KALRN: variants seen among roughly 807,000 people sequenced by gnomAD.
The protein encoded by KALRN is kalirin.
A neutral mutation model predicts 353.7 loss-of-function variants in KALRN; 70 were observed. The observed-to-expected ratio is 0.20, with a 90% CI of 0.16 to 0.24. The LOEUF (loss-of-function observed/expected upper bound fraction) is 0.24, where lower values mean the gene tolerates loss of function less well. Ranked by LOEUF, KALRN falls within the 10% of genes least tolerant of loss-of-function variation. The pLI, the probability that KALRN is intolerant of heterozygous loss-of-function variation, is 1.00. For synonymous variants in KALRN, 1,391 were observed against 1,434.8 expected (o/e 0.97, Z 0.69); for missense variants, 2,791 against 3,756.7 (o/e 0.74, Z 6.72).
chr3:124,543,059 T>C (rs1271960223), intron 33 of KALRN, among the ~76,000 whole-genome samples: 1 of 152,140 alleles, frequency 6.6e-6, no homozygotes, highest in East Asian at 1.9e-4. Context: ...CGGACCTCTC[T>C]CTAGGGCTGC....
intron 34 of KALRN, among the ~76,000 whole-genome samples, chr3:124,614,252 ATTTATTT>A (rs1351871664): frequency 2.7e-5 from 4 of 147,576 alleles, no homozygotes; most frequent in African/African-American, 1.0e-4. Context: ...TTATTTATTT[ATTTATTT>A]ATTTATTTAT....
At chr3:124,517,127 T>C (rs1561202907) in intron 33 of KALRN, among the ~76,000 whole-genome samples, 1 of 152,196 alleles carries the variant, frequency 6.6e-6, no homozygotes, top group Admixed American at 6.5e-5. Flanking sequence ...TGATTTAAAA[T>C]TCTTAAGCCA....
chr3:124,712,308 A>G (rs2062929095), intron 57 of KALRN, among the ~76,000 whole-genome samples: 1 of 152,228 alleles, frequency 6.6e-6, no homozygotes, highest in Admixed American at 6.5e-5. Context: ...AGGAAGTAGA[A>G]TTGGTATGTA....
chr3:124,572,362 G>A (rs1281463983), intron 34 of KALRN, among the ~76,000 whole-genome samples: 3 of 151,478 alleles, frequency 2.0e-5, no homozygotes, highest in Admixed American at 2.0e-4. Flanking sequence ...AAAAAAAACA[G>A]GTTGAATGTC....
chr3:124,347,530 G>A (rs1037560666), intron 10 of KALRN, among the ~76,000 whole-genome samples: 22 of 152,018 alleles, frequency 1.4e-4, no homozygotes, highest in African/African-American at 5.3e-4. Context: ...TGGATTCTAG[G>A]TGAGTGGTAA....
At chr3:124,463,399 G>A (rs2060034857) in intron 25 of KALRN, among the ~76,000 whole-genome samples, 1 of 152,248 alleles carries the variant, frequency 6.6e-6, no homozygotes, top group Non-Finnish European at 1.5e-5. Flanking sequence ...ACTGAGTTGT[G>A]TAGGTTTGCT....
At chr3:124,466,666 C>T (rs1347629938) in intron 25 of KALRN, among the ~76,000 whole-genome samples, 1 of 152,150 alleles carries the variant, frequency 6.6e-6, no homozygotes, top group Non-Finnish European at 1.5e-5. Flanking sequence ...GTCCTCTCAA[C>T]CATCAAGTAC....
At chr3:124,062,548 C>T (rs1033385454) in intron 1 of KALRN, among the ~76,000 whole-genome samples, 4 of 123,472 alleles carry the variant, frequency 3.2e-5, no homozygotes, top group African/African-American at 8.9e-5. Context: ...TCTCTGGGGA[C>T]AGGTCCTAGA....
At position 124,563,024 on chromosome 3, in the gene KALRN, G is replaced by A; in HGVS notation, c.5117G>A (p.Ser1706Asn). Residue 1706 changes from serine to asparagine, a missense_variant, in exon 34 of 60, where the codon AGC (serine) becomes AAC (asparagine). This residue lies in a region of KALRN where 239 missense variants were observed against 351.3 expected (regional missense o/e 0.68). Transcript: ENST00000682506. ...CCCTTGGAGGGTCTGGTCCCCAGCA[G>A]CGCCCTGTGCATCTCACACTCCCGA... ...SPPLEGLVPS[S>N]ALCISHSRSS... is the part of the protein sequence containing the mutation. The A allele has an allele frequency of 7.3e-7, 1 of 1,367,898 alleles. No individual in the cohort carries two copies. The allele number at this position is 1,367,898 out of a possible 1,614,324, so 84.7% of individuals were successfully genotyped here.
intron 26 of KALRN, among the ~76,000 whole-genome samples, chr3:124,474,966 C>T (rs2061302891): frequency 6.6e-6 from 1 of 152,200 alleles, no homozygotes; most frequent in South Asian, 2.1e-4. Context: ...TGGAACAAGA[C>T]TACCACCCCT....
chr3:124,339,898 T>C (rs993789254), intron 9 of KALRN, among the ~76,000 whole-genome samples: 11 of 152,190 alleles, frequency 7.2e-5, no homozygotes, highest in Non-Finnish European at 1.5e-5. Flanking sequence ...AGATGACTTA[T>C]CAGAGAGAAC....
At chr3:124,087,354 T>C (rs1449532546) in intron 1 of KALRN, among the ~76,000 whole-genome samples, 2 of 152,172 alleles carry the variant, frequency 1.3e-5, no homozygotes, top group Admixed American at 1.3e-4. Flanking sequence ...AGCATGTTAA[T>C]TAGGCACCCT....
At chr3:124,152,557 CTT>C in intron 1 of KALRN, 1 of 618,354 alleles carries the variant, frequency 1.6e-6, no homozygotes, top group Non-Finnish European at 2.8e-6. Context: ...TTTTTCTTTT[CTT>C]TTCTTTTCTT....
intron 3 of KALRN, among the ~76,000 whole-genome samples, chr3:124,243,634 T>C (rs1456419579): frequency 6.6e-6 from 1 of 152,104 alleles, no homozygotes; most frequent in Non-Finnish European, 1.5e-5. Flanking sequence ...AGAGAAAGAA[T>C]GGGCTGCAGG....
intron 15 of KALRN, among the ~76,000 whole-genome samples, chr3:124,426,075 C>T (rs2093004165): frequency 6.6e-6 from 1 of 152,150 alleles, no homozygotes; most frequent in Admixed American, 6.5e-5. Flanking sequence ...AGGGCAGTGG[C>T]CCTCGAGGTG....
chr3:124,525,898 A>G (rs1363809334), intron 33 of KALRN, among the ~76,000 whole-genome samples: 1 of 150,694 alleles, frequency 6.6e-6, no homozygotes, highest in Non-Finnish European at 1.5e-5. Flanking sequence ...AGGCTTGGAG[A>G]TGGAATAGGT....
intron 36 of KALRN, among the ~76,000 whole-genome samples, chr3:124,634,787 T>C (rs2081179181): frequency 2.0e-5 from 3 of 152,150 alleles, no homozygotes; most frequent in African/African-American, 7.2e-5. Context: ...TATGGCACTT[T>C]CCATTTGCTT....
At chr3:124,375,008 G>A (rs1009204104) in intron 10 of KALRN, among the ~76,000 whole-genome samples, 6 of 152,162 alleles carry the variant, frequency 3.9e-5, no homozygotes, top group African/African-American at 1.4e-4. Flanking sequence ...GTATATTTAA[G>A]TCTATCTTCT....
chr3:124,707,451 T>TTCCC (rs1445983679), intron 57 of KALRN, among the ~76,000 whole-genome samples: 4 of 144,510 alleles, frequency 2.8e-5, no homozygotes, highest in African/African-American at 1.0e-4. Context: ...CCTTCCCTCC[T>TTCCC]TCCTTCCTTC....
Sources: allele counts gnomAD v4.1 joint callset (sites outside exome capture counted in the v4.1 genomes callset), GRCh38; gene constraint gnomAD v4.1.1; regional missense constraint gnomAD v4.1.1; transcripts MANE v1.5; gene names NCBI Gene and HGNC (gene_info 2026-07-23, HGNC 2026-07-21).